The following PPP1R12B variants were observed in gnomAD, a reference collection of about 807,000 sequenced individuals.
The protein encoded by PPP1R12B is protein phosphatase 1 regulatory subunit 12B.
PPP1R12B carries 76 observed loss-of-function variants against 126.1 expected under a neutral mutation model. That is an observed-to-expected ratio of 0.60 (90% CI 0.50 to 0.73). The LOEUF (loss-of-function observed/expected upper bound fraction) is 0.73. Among genes scored for constraint, PPP1R12B ranks in the 30% least tolerant of loss-of-function variants. The pLI is 0.00. For synonymous variants in PPP1R12B, 356 were observed against 434.7 expected (o/e 0.82, Z 2.25); for missense variants, 1,052 against 1,205.1 (o/e 0.87, Z 1.88).
chr1:202,572,112 A>G lies in PPP1R12B; in HGVS notation c.2862+2915A>G, dbSNP rs376711117. Reference sequence around the variant, plus strand: ...AGCTCTCAAGCTCTTCATTCAGACTATGGTTTATGGTGACCAACATTGCTA... The same window carrying G: ...AGCTCTCAAGCTCTTCATTCAGACTGTGGTTTATGGTGACCAACATTGCTA... On this transcript the variant is annotated intron_variant, in intron 23 of 23. Transcript: ENST00000608999. Among the ~76,000 whole-genome samples the G allele has an allele frequency of 3.1e-4, 47 of 152,334 alleles. No individual in the cohort carries two copies. The South Asian group carries it at 5.4e-3, about 17-fold the overall frequency.
chr1:202,443,934 GGATCAAAAGCATGCTTAATGATAT>G (rs1316515526), intron 12 of PPP1R12B, among the ~76,000 whole-genome samples: 1 of 152,156 alleles, frequency 6.6e-6, no homozygotes, highest in South Asian at 2.1e-4. Context: ...CCTCTATTTA[GGATCAAAAGCATGCTTAATGATAT>G]GAGCACTTTT....
At chr1:202,522,761 A>G (rs1290650913) in intron 18 of PPP1R12B, among the ~76,000 whole-genome samples, 2 of 152,212 alleles carry the variant, frequency 1.3e-5, no homozygotes, top group Admixed American at 6.5e-5. Flanking sequence ...AGCTGGCAGC[A>G]TGAACATCAT....
At chr1:202,394,855 G>A (rs1162613159) in intron 1 of PPP1R12B, among the ~76,000 whole-genome samples, 2 of 152,036 alleles carry the variant, frequency 1.3e-5, no homozygotes, top group Non-Finnish European at 2.9e-5. Flanking sequence ...GGACCTGGTG[G>A]TTTACGCCTA....
Position 202,348,704 on chromosome 1 carries a change from T to C in PPP1R12B, c.-148T>C, listed in dbSNP as rs1655358784. 9.9e-7 allele frequency: 1 copy of C among 1,008,372 alleles called. No homozygotes were observed. Among genetic ancestry groups the C allele is most frequent in the Admixed American group, 3.0e-5 (1 of 33,536 alleles). The allele number at this position is 1,008,372 out of a possible 1,614,324, so 62.5% of individuals were successfully genotyped here. On this transcript the variant is annotated 5_prime_UTR_variant, in exon 1 of 24. Transcript: ENST00000608999. ...AGCCGAGGGAGCGTGCGGGCGGTAC[T>C]ACTGGCGGGAGGAGTAAAGATGGCG... is the stretch of plus-strand genomic sequence containing the variant.
At chr1:202,465,263 A>G (rs1375445170) in intron 13 of PPP1R12B, among the ~76,000 whole-genome samples, 4 of 152,232 alleles carry the variant, frequency 2.6e-5, no homozygotes, top group Admixed American at 2.6e-4. Flanking sequence ...TTGCTCTTCT[A>G]CACCTCCAAG....
chr1:202,529,752 A>G (rs532420503), intron 18 of PPP1R12B, among the ~76,000 whole-genome samples: 1 of 152,324 alleles, frequency 6.6e-6, no homozygotes, highest in Admixed American at 6.5e-5. Context: ...TACAGATTAT[A>G]AGCACAACTT....
chr1:202,490,443 C>A (rs1243691847), intron 14 of PPP1R12B, among the ~76,000 whole-genome samples: 1 of 152,120 alleles, frequency 6.6e-6, no homozygotes, highest in Non-Finnish European at 1.5e-5. Flanking sequence ...CCCAAGAGGA[C>A]CAAGACTGTT....
chr1:202,574,130 A>G (rs1010269413), intron 23 of PPP1R12B, among the ~76,000 whole-genome samples: 23 of 149,402 alleles, frequency 1.5e-4, no homozygotes, highest in Middle Eastern at 3.5e-3. Flanking sequence ...TTATTTTGGT[A>G]TGTGTAACTT....
intron 1 of PPP1R12B, among the ~76,000 whole-genome samples, chr1:202,367,469 T>C (rs772173999): frequency 6.6e-6 from 1 of 152,168 alleles, no homozygotes; most frequent in African/African-American, 2.4e-5. Flanking sequence ...GATCCCCCAT[T>C]AGCTCTCAGT....
chr1:202,548,806 C>CTA (rs1378767072), intron 18 of PPP1R12B, among the ~76,000 whole-genome samples: 352 of 76,360 alleles, frequency 4.6e-3, no homozygotes, highest in Non-Finnish European at 5.5e-3. Flanking sequence ...CTCTCTCTCT[C>CTA]TCTATATATA....
In PPP1R12B at chr1:202,419,631, C is replaced by G. The variant is rs1230855685; in HGVS notation, c.422+2714C>G. On this transcript the variant is annotated intron_variant, in intron 2 of 23. Coordinates refer to ENST00000608999, the MANE Select transcript of PPP1R12B (RefSeq NM_002481.4). The surrounding 1 kb of genome is among the most constrained non-coding windows in gnomAD (Gnocchi z 4.6). The stretch of plus-strand genomic sequence containing the variant: ...CCTGTATACCCAAGTGACATTATGC[C>G]TGATCCAGTAGGGATGGAATAGATG... Among the ~76,000 whole-genome samples, 1 of 152,044 alleles carries G rather than the reference C, an allele frequency of 6.6e-6. No individual in the cohort carries two copies. Among genetic ancestry groups the G allele is most frequent in the East Asian group, 1.9e-4 (1 of 5,192 alleles).
At chr1:202,468,271 T>C (rs1675327061) in intron 13 of PPP1R12B, among the ~76,000 whole-genome samples, 1 of 152,248 alleles carries the variant, frequency 6.6e-6, no homozygotes, top group Non-Finnish European at 1.5e-5. Flanking sequence ...GCCATTGCTT[T>C]TGGTGTTTTA....
In PPP1R12B at chr1:202,349,148, T is replaced by A; in HGVS notation, c.291+6T>A. ...GCTTGACAGCCCTGCACCAGGTAAC[T>A]CCTTTCTTGGTCTTAGAGGCGTCCA... On this transcript the variant is annotated splice_donor_region_variant and intron_variant, in intron 1 of 23. Coordinates refer to ENST00000608999, the MANE Select transcript of PPP1R12B (RefSeq NM_002481.4). 6.2e-7 allele frequency: 1 copy of A among 1,613,616 alleles called. No homozygotes were observed. Among genetic ancestry groups the A allele is most frequent in the Non-Finnish European group, 8.5e-7 (1 of 1,179,936 alleles).
intron 1 of PPP1R12B, among the ~76,000 whole-genome samples, chr1:202,400,591 G>A (rs1297923576): frequency 6.6e-6 from 1 of 152,154 alleles, no homozygotes; most frequent in African/African-American, 2.4e-5. Context: ...AATATATGAG[G>A]GCATGTGAAA....
At chr1:202,404,050 G>T (rs959830497) in intron 1 of PPP1R12B, among the ~76,000 whole-genome samples, 1 of 152,050 alleles carries the variant, frequency 6.6e-6, no homozygotes, top group African/African-American at 2.4e-5. Context: ...CCCTCCCAGT[G>T]GTTCAATCTT....
intron 18 of PPP1R12B, among the ~76,000 whole-genome samples, chr1:202,529,676 G>A (rs545678470): frequency 6.6e-5 from 10 of 152,210 alleles, no homozygotes; most frequent in Admixed American, 2.6e-4. Flanking sequence ...GAAACTGATC[G>A]TTATCAAACT....
chr1:202,473,655 A>G lies in PPP1R12B; in HGVS notation c.1851-14878A>G, dbSNP rs191568952. ...GGTACAGTGTATAAAACATGCATCT[A>G]ATGGAATGTTATTTTGGGAACTATT... is the stretch of plus-strand genomic sequence containing the variant. On this transcript the variant is annotated intron_variant, in intron 13 of 23. Coordinates refer to ENST00000608999, the MANE Select transcript of PPP1R12B (RefSeq NM_002481.4). Among the ~76,000 whole-genome samples, 14 of 152,354 alleles carry G rather than the reference A, an allele frequency of 9.2e-5. No homozygotes were observed. The East Asian group carries it at 1.5e-3, about 17-fold the overall frequency.
intron 15 of PPP1R12B, among the ~76,000 whole-genome samples, chr1:202,494,037 G>A (rs1027652505): frequency 7.9e-5 from 12 of 152,168 alleles, no homozygotes; most frequent in Admixed American, 7.9e-4. Flanking sequence ...AATTACAACT[G>A]TTGTCTTTGT....
intron 1 of PPP1R12B, among the ~76,000 whole-genome samples, chr1:202,353,876 G>A (rs1020784532): frequency 2.6e-5 from 4 of 151,982 alleles, no homozygotes; most frequent in Non-Finnish European, 4.4e-5. Flanking sequence ...GCCTCCCAAA[G>A]TGCTCGGATT....
Sources: allele counts gnomAD v4.1 joint callset (sites outside exome capture counted in the v4.1 genomes callset), GRCh38; gene constraint gnomAD v4.1.1; non-coding constraint Gnocchi (gnomAD v3.1); transcripts MANE v1.5; gene names NCBI Gene and HGNC (gene_info 2026-07-23, HGNC 2026-07-21).